SBF2: variants seen among roughly 807,000 people sequenced by gnomAD.
SBF2 encodes the protein myotubularin-related protein 13.
Under a neutral mutation model 225.2 loss-of-function variants are expected in SBF2, and 112 were observed. The observed-to-expected ratio is 0.50, with a 90% CI of 0.43 to 0.58. SBF2 has a LOEUF of 0.58. Ranked by LOEUF, SBF2 falls within the 20% of genes least tolerant of loss-of-function variation. SBF2 has a pLI of 0.00. For missense variants in SBF2, 1,996 were observed against 2,206.2 expected (o/e 0.90, Z 1.91); for synonymous variants, 763 against 773.3 (o/e 0.99, Z 0.22).
chr11:9,795,769 A>G, intron 33 of SBF2, 62 bp downstream of exon 33: 1 of 1,571,498 alleles, frequency 6.4e-7, no homozygotes. Context: ...CATTATTAGA[A>G]TTTTCATTAA....
chr11:9,880,252 A>G (rs947825301), intron 17 of SBF2, among the ~76,000 whole-genome samples: 10 of 152,200 alleles, frequency 6.6e-5, no homozygotes, highest in Non-Finnish European at 1.2e-4. Context: ...GTTATTAACT[A>G]TATCTGGCTG....
At chr11:10,274,203 A>G (rs1962773675) in intron 1 of SBF2, among the ~76,000 whole-genome samples, 1 of 152,230 alleles carries the variant, frequency 6.6e-6, no homozygotes, top group African/African-American at 2.4e-5. Flanking sequence ...TTTGAGTTCA[A>G]GCCAATCCTT....
At chr11:9,812,790 G>GA in intron 29 of SBF2, 82 bp from the exon 30 acceptor site, 1 of 1,454,424 alleles carries the variant, frequency 6.9e-7, no homozygotes, top group Non-Finnish European at 9.5e-7. Flanking sequence ...AGTGCATAAT[G>GA]ACAAAGTTAT....
At chr11:9,875,712 G>A (rs1268833717) in intron 17 of SBF2, among the ~76,000 whole-genome samples, 2 of 152,294 alleles carry the variant, frequency 1.3e-5, no homozygotes, top group East Asian at 3.9e-4. Context: ...GGTCCAGTTT[G>A]GGTGCTTGGA....
intron 17 of SBF2, among the ~76,000 whole-genome samples, chr11:9,882,612 T>G (rs58409013): frequency 0.18 from 27,005 of 151,824 alleles, 2,408 homozygotes; most frequent in South Asian, 0.2. Flanking sequence ...ATCGAGACCA[T>G]CCTGGCTAAC....
At chr11:9,828,242 GAACA>G (rs1564889037) in intron 28 of SBF2, 1 of 1,284,918 alleles carries the variant, frequency 7.8e-7, no homozygotes, top group Admixed American at 2.4e-5. Context: ...CCAAAAAGAA[GAACA>G]AAAACCATGT....
intron 33 of SBF2, 68 bp downstream of exon 33, chr11:9,795,763 A>G (rs1853084100): frequency 1.3e-6 from 2 of 1,549,270 alleles, no homozygotes; most frequent in Non-Finnish European, 1.8e-6. Flanking sequence ...TAGTTACATT[A>G]TTAGAATTTT....
At chr11:9,801,368 C>CT (rs920383920) in intron 32 of SBF2, among the ~76,000 whole-genome samples, 15 of 150,598 alleles carry the variant, frequency 1.0e-4, no homozygotes, top group African/African-American at 2.7e-4. Context: ...TTTATAGGGT[C>CT]TTTTTTTTTG....
rs751163799 is a variant in SBF2 at position 9,795,817 on chromosome 11, A to G, written c.4570+14T>C. 3 of 1,612,874 alleles carry G rather than the reference A, an allele frequency of 1.9e-6. No homozygotes were observed. Among genetic ancestry groups the G allele is most frequent in the African/African-American group, 1.3e-5 (1 of 74,926 alleles). The stretch of plus-strand genomic sequence containing the variant: ...CTAACAAAAAAGATGAAACAAGGGC[A>G]TACAGACACATACCGTGCTCTAATC... On this transcript the variant is annotated intron_variant, in intron 33 of 39. Transcript: ENST00000256190.
intron 17 of SBF2, among the ~76,000 whole-genome samples, chr11:9,863,039 C>T (rs1857893908): frequency 6.6e-6 from 1 of 152,030 alleles, no homozygotes; most frequent in African/African-American, 2.4e-5. Flanking sequence ...GGTATTGTGC[C>T]ATGCAATTTT....
At chr11:10,047,876 TATGAAGTCTTCTTTGA>T (rs1949924138) in intron 2 of SBF2, among the ~76,000 whole-genome samples, 2 of 152,218 alleles carry the variant, frequency 1.3e-5, no homozygotes, top group Non-Finnish European at 2.9e-5. Flanking sequence ...TCATTTATTC[TATGAAGTCTTCTTTGA>T]AACTTCCTAG....
intron 17 of SBF2, among the ~76,000 whole-genome samples, chr11:9,869,860 A>G (rs1858572118): frequency 6.6e-6 from 1 of 152,226 alleles, no homozygotes; most frequent in South Asian, 2.1e-4. Context: ...CAGGGCAATC[A>G]GGCAAGAGAA....
At chr11:9,866,736 C>T (rs976239279) in intron 17 of SBF2, among the ~76,000 whole-genome samples, 1 of 152,066 alleles carries the variant, frequency 6.6e-6, no homozygotes, top group Non-Finnish European at 1.5e-5. Context: ...AATGGGATTA[C>T]ATCAAGTTAA....
In SBF2 at chr11:9,785,231, T is replaced by A; in HGVS notation, c.5125A>T (p.Ser1709Cys). 6.2e-7 allele frequency: 1 copy of A among 1,614,036 alleles called. No individual in the cohort carries two copies. The highest frequency in any genetic ancestry group is 8.5e-7 in the Non-Finnish European group (1 of 1,179,868). The change falls in exon 37 of 40, where the codon AGC becomes TGC. Residue 1709 changes from serine (S) to cysteine (C), a missense_variant. Coordinates refer to ENST00000256190, the MANE Select transcript of SBF2 (RefSeq NM_030962.4). ...QKRSLLHLPD[S>C]SMGEEQNSSI... ...GAATTCTGTTCCTCCCCCATGCTGC[T>A]GTCTGGGAGATGTAGCAGAGACCTC... is the stretch of plus-strand genomic sequence containing the variant.
At chr11:9,861,473 G>A (rs1857733639) in intron 17 of SBF2, among the ~76,000 whole-genome samples, 1 of 152,130 alleles carries the variant, frequency 6.6e-6, no homozygotes, top group Non-Finnish European at 1.5e-5. Context: ...AGACCAGCCT[G>A]GCCAATATGG....
chr11:10,245,292 C>A (rs963647033), intron 1 of SBF2, among the ~76,000 whole-genome samples: 1 of 151,734 alleles, frequency 6.6e-6, no homozygotes, highest in African/African-American at 2.4e-5. Context: ...GCCTGCAATC[C>A]CATCTACTCA....
chr11:10,291,059 C>A (rs1274776514), intron 1 of SBF2, among the ~76,000 whole-genome samples: 2 of 152,094 alleles, frequency 1.3e-5, no homozygotes, highest in Non-Finnish European at 2.9e-5. Flanking sequence ...GGGGATGTAC[C>A]ATAAGAACAC....
intron 1 of SBF2, among the ~76,000 whole-genome samples, chr11:10,270,209 A>C (rs1032053069): frequency 6.6e-6 from 1 of 150,576 alleles, no homozygotes; most frequent in Non-Finnish European, 1.5e-5. Context: ...CAAGGGTTAG[A>C]TGCACCAACC....
intron 2 of SBF2, among the ~76,000 whole-genome samples, chr11:10,175,441 C>G (rs1956418313): frequency 3.3e-5 from 5 of 150,528 alleles, no homozygotes; most frequent in Admixed American, 1.3e-4. Context: ...GTAAAGGGAT[C>G]AATTCAACAA....
Sources: allele counts gnomAD v4.1 joint callset (sites outside exome capture counted in the v4.1 genomes callset), GRCh38; gene constraint gnomAD v4.1.1; transcripts MANE v1.5; gene names NCBI Gene and HGNC (gene_info 2026-07-23, HGNC 2026-07-21).